The following PDGFC variants were observed in gnomAD, a reference collection of about 807,000 sequenced individuals.
The protein encoded by PDGFC is platelet derived growth factor C.
A neutral mutation model predicts 35.5 loss-of-function variants in PDGFC; 12 were observed. The ratio of observed to expected loss-of-function variants is 0.34; its 90% CI spans 0.22 to 0.55. The LOEUF (loss-of-function observed/expected upper bound fraction) is 0.55, where lower values mean the gene tolerates loss of function less well. Among genes scored for constraint, PDGFC ranks in the 20% least tolerant of loss-of-function variants. PDGFC has a pLI of 0.91. For synonymous variants in PDGFC, 159 were observed against 148.8 expected, an observed-to-expected ratio of 1.07 and a Z score of -0.50; for missense variants, 322 against 412.4, an observed-to-expected ratio of 0.78 and a Z score of 1.90.
At chr4:156,843,162 C>T (rs918125420) in intron 2 of PDGFC, among the ~76,000 whole-genome samples, 39 of 152,118 alleles carry the variant, frequency 2.6e-4, no homozygotes, top group African/African-American at 8.9e-4. Context: ...AGGTCATGAA[C>T]GGGATCAGCA....
chr4:156,925,876 C>A (rs545350741), intron 1 of PDGFC, among the ~76,000 whole-genome samples: 1 of 151,104 alleles, frequency 6.6e-6, no homozygotes, highest in South Asian at 2.1e-4. Flanking sequence ...CAGGGTGAAA[C>A]CCCGTCTCTA....
intron 2 of PDGFC, among the ~76,000 whole-genome samples, chr4:156,826,280 C>T (rs907216515): frequency 1.4e-5 from 2 of 140,650 alleles, no homozygotes; most frequent in Non-Finnish European, 3.1e-5. Context: ...GCAACCTCTG[C>T]CTCCCGGGTT....
intron 1 of PDGFC, among the ~76,000 whole-genome samples, chr4:156,940,591 T>G (rs1731782072): frequency 1.3e-5 from 2 of 152,106 alleles, no homozygotes; most frequent in African/African-American, 2.4e-5. Flanking sequence ...TTTTGTGCAC[T>G]GATCGATACC....
chr4:156,970,205 G>A (rs1732558426), intron 1 of PDGFC, among the ~76,000 whole-genome samples: 1 of 152,108 alleles, frequency 6.6e-6, no homozygotes, highest in South Asian at 2.1e-4. Flanking sequence ...CACCAGAAAG[G>A]TAAGGACTTC....
At chr4:156,848,007 C>T (rs1054874424) in intron 2 of PDGFC, among the ~76,000 whole-genome samples, 2 of 151,444 alleles carry the variant, frequency 1.3e-5, no homozygotes, top group African/African-American at 2.4e-5. Context: ...TATTGGATAC[C>T]CTCCTGAAAA....
intron 1 of PDGFC, among the ~76,000 whole-genome samples, chr4:156,914,431 A>C (rs1560870835): frequency 6.6e-6 from 1 of 152,144 alleles, no homozygotes; most frequent in Non-Finnish European, 1.5e-5. Flanking sequence ...AATCTCCTCC[A>C]GTCATCCAAC....
chr4:156,795,202 T>C (rs573925935), intron 3 of PDGFC, among the ~76,000 whole-genome samples: 1 of 152,336 alleles, frequency 6.6e-6, no homozygotes, highest in African/African-American at 2.4e-5. Flanking sequence ...ATATGAGTTA[T>C]TGCTTCTTTG....
Position 156,882,822 on chromosome 4 carries a change from C to A in PDGFC, c.119-32406G>T, listed in dbSNP as rs150617722. 8.3e-3 allele frequency among the ~76,000 whole-genome samples: 1,271 copies of A among 152,216 alleles called. 17 individuals carry two copies. Among genetic ancestry groups the A allele is most frequent in the African/African-American group, 0.029 (1,222 of 41,522 alleles). ...CACTCAGGCTGGGCATGGTGGCTCA[C>A]GCCTGTAATCCCAGCACTTTGGGAG... On this transcript the variant is annotated intron_variant, in intron 1 of 5. Coordinates refer to ENST00000502773, the MANE Select transcript of PDGFC (RefSeq NM_016205.3).
chr4:156,941,935 C>T (rs1406470659), intron 1 of PDGFC, among the ~76,000 whole-genome samples: 4 of 152,016 alleles, frequency 2.6e-5, no homozygotes, highest in Non-Finnish European at 5.9e-5. Flanking sequence ...AGAACTTTGA[C>T]GTTTTACATG....
At chr4:156,826,716 T>C (rs560162628) in intron 2 of PDGFC, among the ~76,000 whole-genome samples, 44 of 152,300 alleles carry the variant, frequency 2.9e-4, no homozygotes, top group African/African-American at 1.1e-3. Context: ...TTAAGTAGCA[T>C]GATAATAAAA....
intron 1 of PDGFC, among the ~76,000 whole-genome samples, chr4:156,850,625 A>G (rs1729430838): frequency 1.3e-5 from 2 of 152,146 alleles, no homozygotes; most frequent in South Asian, 4.1e-4. Context: ...TTTATACTTG[A>G]AGGAACATAG....
chr4:156,944,691 C>T (rs190481758), intron 1 of PDGFC, among the ~76,000 whole-genome samples: 256 of 152,208 alleles, frequency 1.7e-3, no homozygotes, highest in African/African-American at 5.7e-3. Context: ...ATTTCCAGTC[C>T]GCCAGCAAAT....
intron 1 of PDGFC, among the ~76,000 whole-genome samples, chr4:156,870,865 C>CA (rs1391913504): frequency 6.6e-6 from 1 of 151,670 alleles, no homozygotes; most frequent in Non-Finnish European, 1.5e-5. Context: ...GTTAGAGGAT[C>CA]AAAAAAAGCT....
intron 1 of PDGFC, among the ~76,000 whole-genome samples, chr4:156,936,913 C>T (rs1189510019): frequency 6.6e-6 from 1 of 152,150 alleles, no homozygotes; most frequent in African/African-American, 2.4e-5. Flanking sequence ...AAGAGGGACT[C>T]AGGTTTCTGA....
rs139540513 is a variant in PDGFC at position 156,893,155 on chromosome 4, C to G, written c.119-42739G>C. ...TTCTTTTTAAATTTTCTGTGAGTCA[C>G]CAAGAGAATTTTAATGAAAAAAAGG... On this transcript the variant is annotated intron_variant, in intron 1 of 5. Transcript: ENST00000502773. Among the ~76,000 whole-genome samples the G allele has an allele frequency of 4.6e-5, 7 of 151,852 alleles. No homozygotes were observed. In the East Asian group the frequency reaches 7.8e-4, roughly 17 times the overall value.
chr4:156,934,405 T>C (rs1282213665), intron 1 of PDGFC, among the ~76,000 whole-genome samples: 2 of 152,204 alleles, frequency 1.3e-5, no homozygotes, highest in African/African-American at 4.8e-5. Context: ...ATAGAGTTCC[T>C]ACCATGAACA....
chr4:156,829,531 C>T (rs983305879), intron 2 of PDGFC, among the ~76,000 whole-genome samples: 1 of 152,044 alleles, frequency 6.6e-6, no homozygotes, highest in Non-Finnish European at 1.5e-5. Context: ...TAAAATTTTC[C>T]TCTTGCTCTC....
chr4:156,768,007 A>C lies in PDGFC; in HGVS notation c.704-17T>G. 1.4e-6 allele frequency: 2 copies of C among 1,457,518 alleles called. No individual in the cohort carries two copies. The highest frequency in any genetic ancestry group is 9.6e-7 in the Non-Finnish European group (1 of 1,041,952). The allele number at this position is 1,457,518 out of a possible 1,614,324, so 90.3% of individuals were successfully genotyped here. On this transcript the variant is annotated splice_polypyrimidine_tract_variant and intron_variant, in intron 4 of 5. Coordinates refer to ENST00000502773, the MANE Select transcript of PDGFC (RefSeq NM_016205.3). ...GATCCACCACTATATGGTATAAAAGAAAGCAAAGAAAAATAGATGTTGATG... is the reference window on the plus strand; with the variant it reads ...GATCCACCACTATATGGTATAAAAGCAAGCAAAGAAAAATAGATGTTGATG...
intron 3 of PDGFC, among the ~76,000 whole-genome samples, chr4:156,809,382 A>T (rs1014798658): frequency 3.9e-5 from 6 of 152,028 alleles, no homozygotes; most frequent in African/African-American, 1.4e-4. Context: ...TTCTTAGCCA[A>T]GAGGATGGAT....
Sources: allele counts gnomAD v4.1 joint callset (sites outside exome capture counted in the v4.1 genomes callset), GRCh38; gene constraint gnomAD v4.1.1; transcripts MANE v1.5; gene names NCBI Gene and HGNC (gene_info 2026-07-23, HGNC 2026-07-21).